The following MARCO variants were observed in gnomAD, a reference collection of about 807,000 sequenced individuals.
MARCO encodes the protein macrophage receptor MARCO.
Under a neutral mutation model 70.0 loss-of-function variants are expected in MARCO, and 72 were observed. That is an observed-to-expected ratio of 1.03 (90% CI 0.85 to 1.25). MARCO has a LOEUF of 1.25. MARCO is among the 50% of genes most tolerant of loss of function. MARCO has a pLI of 0.00. For missense variants in MARCO, 696 were observed against 659.3 expected (o/e 1.06, Z -0.61); for synonymous variants, 273 against 243.1 (o/e 1.12, Z -1.14).
intron 4 of MARCO, among the ~76,000 whole-genome samples, chr2:118,972,614 A>G (rs1336743229): frequency 6.6e-6 from 1 of 152,220 alleles, no homozygotes. Context: ...CTCTTAGTCC[A>G]GTGTCCAGCA....
At chr2:118,954,131 C>A (rs949053853) in intron 1 of MARCO, among the ~76,000 whole-genome samples, 12 of 152,204 alleles carry the variant, frequency 7.9e-5, no homozygotes, top group Non-Finnish European at 1.8e-4. Flanking sequence ...AGATCTAAAG[C>A]CCTTGTCTTT....
chr2:118,963,405 C>T (rs1406431284), intron 1 of MARCO, among the ~76,000 whole-genome samples: 1 of 151,806 alleles, frequency 6.6e-6, no homozygotes, highest in Non-Finnish European at 1.5e-5. Context: ...TTCCTGTTGC[C>T]TATCCATTGT....
At chr2:118,971,348 C>T in intron 3 of MARCO, 151 bp from the exon 4 acceptor site, 1 of 761,036 alleles carries the variant, frequency 1.3e-6, no homozygotes, top group East Asian at 2.6e-5. Flanking sequence ...CAGCCAGGTG[C>T]TTGGCTCCTG....
chr2:118,969,139 T>C, intron 1 of MARCO, 21 bp from the exon 2 acceptor site: 1 of 1,568,140 alleles, frequency 6.4e-7, no homozygotes, highest in Non-Finnish European at 8.8e-7. Flanking sequence ...GCAGCCTCCT[T>C]CCTCCTGGCT....
intron 8 of MARCO, among the ~76,000 whole-genome samples, chr2:118,980,661 C>A (rs570703497): frequency 6.6e-6 from 1 of 152,298 alleles, no homozygotes; most frequent in Admixed American, 6.5e-5. Flanking sequence ...CCACTCTACC[C>A]ACCCCCAGGG....
chr2:118,959,239 T>G (rs969365669), intron 1 of MARCO, among the ~76,000 whole-genome samples: 1 of 152,008 alleles, frequency 6.6e-6, no homozygotes, highest in African/African-American at 2.4e-5. Context: ...AATCTATACA[T>G]CGGACAAAGG....
At chr2:118,979,399 C>T (rs1398085344) in intron 8 of MARCO, among the ~76,000 whole-genome samples, 1 of 152,126 alleles carries the variant, frequency 6.6e-6, no homozygotes, top group Non-Finnish European at 1.5e-5. Flanking sequence ...GCAGAATTCT[C>T]CTAGGCTGGT....
chr2:118,969,990 C>T, intron 2 of MARCO, 124 bp from the exon 3 acceptor site: 1 of 825,550 alleles, frequency 1.2e-6, no homozygotes, highest in Non-Finnish European at 2.0e-6. Flanking sequence ...TAGGTCCTGA[C>T]AGCACATGGA....
chr2:118,964,972 G>T (rs1361157552), intron 1 of MARCO, among the ~76,000 whole-genome samples: 1 of 150,636 alleles, frequency 6.6e-6, no homozygotes, highest in Non-Finnish European at 1.5e-5. Context: ...TTCCTTAGAT[G>T]TTTAATTTTC....
chr2:118,966,388 A>ATAGGTGTT (rs1680047694), intron 1 of MARCO, among the ~76,000 whole-genome samples: 4 of 152,260 alleles, frequency 2.6e-5, no homozygotes, highest in African/African-American at 9.6e-5. Flanking sequence ...CTGATCCAGA[A>ATAGGTGTT]TAGGTGTTTT....
chr2:118,969,119 G>C, intron 1 of MARCO, 41 bp from the exon 2 acceptor site: 1 of 1,423,610 alleles, frequency 7.0e-7, no homozygotes, highest in South Asian at 1.1e-5. Context: ...CCTGTGCTGT[G>C]TTCTCTGCAG....
intron 12 of MARCO, among the ~76,000 whole-genome samples, chr2:118,984,431 AG>A (rs1680448996): frequency 6.6e-6 from 1 of 152,246 alleles, no homozygotes; most frequent in South Asian, 2.1e-4. Flanking sequence ...AATTAGGCCT[AG>A]TGGTGAGTAC....
chr2:118,967,306 C>T (rs751379561), intron 1 of MARCO, among the ~76,000 whole-genome samples: 10 of 152,184 alleles, frequency 6.6e-5, no homozygotes, highest in African/African-American at 2.2e-4. Context: ...ATTCAGGGGA[C>T]ACACATTGCC....
intron 1 of MARCO, among the ~76,000 whole-genome samples, chr2:118,967,157 G>A (rs968474157): frequency 6.6e-6 from 1 of 152,234 alleles, no homozygotes; most frequent in Non-Finnish European, 1.5e-5. Flanking sequence ...GAGAGAAACA[G>A]AGTGATGTGG....
rs764811225 is a variant in MARCO, at chr2:118,977,526, C to T, written c.658+11C>T. On this transcript the variant is annotated intron_variant, in intron 7 of 16. Transcript: ENST00000327097. ...AGCAAGGAGCCACTGGTAACTTGTA[C>T]TTGCTCTGCTAGGGACAAATGATGC... The T allele has an allele frequency of 3.1e-6, 5 of 1,613,398 alleles. No individual in the cohort carries two copies. In the Admixed American group the frequency reaches 5.0e-5, roughly 16 times the overall value.
chr2:118,971,890 G>C (rs1445121825), intron 4 of MARCO, among the ~76,000 whole-genome samples: 1 of 152,174 alleles, frequency 6.6e-6, no homozygotes, highest in Non-Finnish European at 1.5e-5. Context: ...CACATACATA[G>C]CACTTCCCAC....
intron 15 of MARCO, 119 bp downstream of exon 15, chr2:118,992,595 G>A: frequency 2.3e-6 from 2 of 862,744 alleles, no homozygotes; most frequent in East Asian, 2.6e-5. Context: ...TTGGGGAGGA[G>A]TTGAGGGTCT....
chr2:118,965,783 G>C (rs1680033107), intron 1 of MARCO, among the ~76,000 whole-genome samples: 1 of 152,196 alleles, frequency 6.6e-6, no homozygotes, highest in Non-Finnish European at 1.5e-5. Flanking sequence ...TCAGAGCCCT[G>C]TCCACGTTAT....
chr2:118,945,304 C>G (rs1679574321), intron 1 of MARCO, among the ~76,000 whole-genome samples: 1 of 152,106 alleles, frequency 6.6e-6, no homozygotes, highest in Non-Finnish European at 1.5e-5. Context: ...CTGTCACACT[C>G]CTGGCCGTCT....
Sources: gnomAD v4.1 joint callset for allele counts (sites outside exome capture counted in the v4.1 genomes callset) on GRCh38, gnomAD v4.1.1 for gene constraint, MANE v1.5 for transcripts, NCBI Gene and HGNC (gene_info 2026-07-23, HGNC 2026-07-21) for gene names.